SUMF1: variants seen among roughly 807,000 people sequenced by gnomAD.
SUMF1 encodes the protein sulfatase modifying factor 1.
SUMF1 carries 48 observed loss-of-function variants against 47.6 expected under a neutral mutation model. That is an observed-to-expected ratio of 1.01 (90% CI 0.80 to 1.28). The LOEUF is 1.28. SUMF1 is among the 50% of genes most tolerant of loss of function. SUMF1 has a pLI of 0.00. For missense variants in SUMF1, 571 were observed against 485.4 expected (o/e 1.18, Z -1.66); for synonymous variants, 230 against 192.1 (o/e 1.20, Z -1.63).
intron 8 of SUMF1, among the ~76,000 whole-genome samples, chr3:4,209,088 G>T (rs1421178401): frequency 6.6e-6 from 1 of 152,068 alleles, no homozygotes; most frequent in Non-Finnish European, 1.5e-5. Context: ...TACTTCACAA[G>T]ATTCTCCAGT....
At chr3:4,381,918 C>T (rs950092140) in intron 7 of SUMF1, among the ~76,000 whole-genome samples, 4 of 152,018 alleles carry the variant, frequency 2.6e-5, no homozygotes, top group African/African-American at 4.8e-5. Flanking sequence ...TGGTGGGGCA[C>T]GCCTGTAGTC....
chr3:4,175,943 A>G (rs1480306299), intron 8 of SUMF1, among the ~76,000 whole-genome samples: 2 of 152,172 alleles, frequency 1.3e-5, no homozygotes, highest in African/African-American at 4.8e-5. Flanking sequence ...GTATCAGTGA[A>G]TGAAGATTAA....
intron 8 of SUMF1, among the ~76,000 whole-genome samples, chr3:4,305,046 GT>G (rs1253388213): frequency 6.6e-6 from 1 of 152,158 alleles, no homozygotes; most frequent in African/African-American, 2.4e-5. Context: ...AATTGGTTGA[GT>G]TTGTCTGAAG....
chr3:4,042,054 T>C (rs1334604111), intron 9 of SUMF1, among the ~76,000 whole-genome samples: 1 of 152,204 alleles, frequency 6.6e-6, no homozygotes, highest in Non-Finnish European at 1.5e-5. Flanking sequence ...CAGTCAAGTT[T>C]GAGTCAACAG....
At chr3:4,091,934 A>AC (rs1157476361) in intron 8 of SUMF1, among the ~76,000 whole-genome samples, 3 of 151,162 alleles carry the variant, frequency 2.0e-5, no homozygotes, top group East Asian at 3.9e-4. Flanking sequence ...TAATACTTGG[A>AC]CCCCCCTCAA....
At chr3:4,302,706 G>C (rs186232089) in intron 8 of SUMF1, among the ~76,000 whole-genome samples, 160 of 152,228 alleles carry the variant, frequency 1.1e-3, no homozygotes, top group Non-Finnish European at 2.0e-3. Flanking sequence ...CAGTTTCAAG[G>C]AGAAGCAGGA....
At position 4,243,709 on chromosome 3, in the gene SUMF1, T is replaced by C. The variant is rs928486537; in HGVS notation, c.1014+132621A>G. ...TATGTGGTCAGTTTTAGAGTAAGTA[T>C]GATGTGGTGCTGAGAAGAATGTATA... On this transcript the variant is annotated intron_variant and NMD_transcript_variant, in intron 8 of 12. Coordinates refer to the SUMF1 transcript ENST00000448413. Among the ~76,000 whole-genome samples, 50 of 152,142 alleles carry C rather than the reference T, an allele frequency of 3.3e-4. 1 individual carries two copies. The highest frequency in any genetic ancestry group is 3.0e-3 in the Admixed American group (46 of 15,248).
At chr3:4,460,440 C>T (rs1393669362) in intron 1 of SUMF1, among the ~76,000 whole-genome samples, 1 of 151,934 alleles carries the variant, frequency 6.6e-6, no homozygotes, top group Admixed American at 6.6e-5. Context: ...ATATAAACAT[C>T]AGAGCTCATC....
At chr3:4,459,828 C>T (rs978698530) in intron 1 of SUMF1, among the ~76,000 whole-genome samples, 1 of 152,154 alleles carries the variant, frequency 6.6e-6, no homozygotes, top group Non-Finnish European at 1.5e-5. Context: ...GCTTCCAAGT[C>T]ATCTATCTTC....
chr3:4,464,714 T>TAA (rs1175606775), intron 1 of SUMF1, among the ~76,000 whole-genome samples: 1 of 152,220 alleles, frequency 6.6e-6, no homozygotes, highest in Non-Finnish European at 1.5e-5. Flanking sequence ...GCACATGAAC[T>TAA]AAAACATTTG....
chr3:4,437,023 G>C (rs917025885), intron 3 of SUMF1, among the ~76,000 whole-genome samples: 14 of 152,234 alleles, frequency 9.2e-5, no homozygotes, highest in African/African-American at 2.9e-4. Context: ...TTTCAAAAAT[G>C]AGGTACTTAA....
chr3:4,297,974 C>T (rs1158012392), intron 8 of SUMF1, among the ~76,000 whole-genome samples: 1 of 152,076 alleles, frequency 6.6e-6, no homozygotes, highest in African/African-American at 2.4e-5. Flanking sequence ...ATAGTCATAC[C>T]TCATAATTTA....
intron 7 of SUMF1, among the ~76,000 whole-genome samples, chr3:4,409,745 G>A (rs554851233): frequency 6.6e-6 from 1 of 152,262 alleles, no homozygotes; most frequent in East Asian, 1.9e-4. Flanking sequence ...AGGGATGACG[G>A]CTTCTAAAGA....
intron 9 of SUMF1, among the ~76,000 whole-genome samples, chr3:4,062,656 A>G (rs1476722319): frequency 1.3e-5 from 2 of 152,174 alleles, no homozygotes; most frequent in African/African-American, 4.8e-5. Context: ...ATATTTATGA[A>G]TCTTAAAGTG....
chr3:4,184,782 G>A (rs1487739998), intron 8 of SUMF1, among the ~76,000 whole-genome samples: 11 of 151,552 alleles, frequency 7.3e-5, no homozygotes, highest in Non-Finnish European at 1.6e-4. Context: ...TTGAGTAGCT[G>A]GGATTACAGG....
Position 4,118,242 on chromosome 3 carries a change from C to T in SUMF1, c.1015-49497G>A, listed in dbSNP as rs191661791. 3.2e-3 allele frequency among the ~76,000 whole-genome samples: 484 copies of T among 151,628 alleles called. 4 individuals are homozygous for T. Among genetic ancestry groups the T allele is most frequent in the African/African-American group, 0.011 (459 of 41,306 alleles). Reference sequence around the variant, plus strand: ...TTTACAGAGAGAAGAGAAGATATTGCATGCTTGAAAAAAGGAACAGGATAC... The same window carrying T: ...TTTACAGAGAGAAGAGAAGATATTGTATGCTTGAAAAAAGGAACAGGATAC... On this transcript the variant is annotated intron_variant and NMD_transcript_variant, in intron 8 of 12. Transcript: ENST00000448413.
chr3:4,443,720 G>A (rs1702683727), intron 3 of SUMF1, among the ~76,000 whole-genome samples: 1 of 151,956 alleles, frequency 6.6e-6, no homozygotes, highest in South Asian at 2.1e-4. Context: ...AGCCAAGATC[G>A]TGCCACTGCA....
chr3:4,099,634 T>C (rs1420171551), intron 8 of SUMF1, among the ~76,000 whole-genome samples: 2 of 152,042 alleles, frequency 1.3e-5, no homozygotes, highest in Non-Finnish European at 2.9e-5. Context: ...GAGAAAGAAA[T>C]ACAATGTATC....
chr3:4,427,765 A>C (rs1351154107), intron 3 of SUMF1, among the ~76,000 whole-genome samples: 1 of 152,198 alleles, frequency 6.6e-6, no homozygotes, highest in Non-Finnish European at 1.5e-5. Context: ...CAGTACACTC[A>C]AAACATTTCA....
Sources: gnomAD v4.1 joint callset for allele counts (sites outside exome capture counted in the v4.1 genomes callset) on GRCh38, gnomAD v4.1.1 for gene constraint, MANE v1.5 for transcripts, NCBI Gene and HGNC (gene_info 2026-07-23, HGNC 2026-07-21) for gene names.